PHTF2: variants seen among roughly 807,000 people sequenced by gnomAD.
PHTF2 encodes the protein putative homeodomain transcription factor 2.
PHTF2 carries 60 observed loss-of-function variants against 101.2 expected under a neutral mutation model. The observed-to-expected ratio is 0.59, with a 90% CI of 0.48 to 0.73. The LOEUF is 0.73. PHTF2 is among the 30% of genes least tolerant of loss of function. The pLI is 0.00. For synonymous variants in PHTF2, 311 were observed against 307.3 expected (o/e 1.01, Z -0.13); for missense variants, 747 against 908.7 (o/e 0.82, Z 2.29).
intron 9 of PHTF2, among the ~76,000 whole-genome samples, chr7:77,917,811 TA>T (rs1205966836): frequency 6.6e-6 from 1 of 152,224 alleles, no homozygotes; most frequent in East Asian, 1.9e-4. Context: ...CCTTTGTTTG[TA>T]AACTCTGAGA....
chr7:77,861,147 A>G lies in PHTF2; in HGVS notation c.147+6313A>G, dbSNP rs184145250. Reference sequence around the variant, plus strand: ...CCCTTATTCTTTAATTTCTTTTTTTATTTTTATTTATTTATTTTTATTGTT... The same window carrying G: ...CCCTTATTCTTTAATTTCTTTTTTTGTTTTTATTTATTTATTTTTATTGTT... On this transcript the variant is annotated intron_variant, in intron 3 of 19. Transcript: ENST00000416283. Among the ~76,000 whole-genome samples the G allele has an allele frequency of 2.3e-3, 354 of 151,656 alleles. 2 individuals carry two copies. Among genetic ancestry groups the G allele is most frequent in the African/African-American group, 8.1e-3 (335 of 41,408 alleles).
At chr7:77,925,884 C>T (rs926843680) in intron 11 of PHTF2, among the ~76,000 whole-genome samples, 9 of 151,852 alleles carry the variant, frequency 5.9e-5, no homozygotes, top group Non-Finnish European at 1.3e-4. Context: ...GGTGAAACCC[C>T]GTCTCTACGA....
rs1795308380 is a variant in PHTF2, at chr7:77,834,559, T to C, written c.-35-5662T>C. The stretch of plus-strand genomic sequence containing the variant: ...AAGTCCTATACTCACGTGTCTGTGC[T>C]TGCCTACCTCACATGGCTCAGACTG... On this transcript the variant is annotated intron_variant, in intron 1 of 19. Coordinates refer to ENST00000416283, the Ensembl canonical transcript of PHTF2. Among the ~76,000 whole-genome samples, 3 of 152,312 alleles carry C rather than the reference T, an allele frequency of 2.0e-5. No homozygotes were observed. The South Asian group carries it at 6.2e-4, about 32-fold the overall frequency.
intron 1 of PHTF2, among the ~76,000 whole-genome samples, chr7:77,833,610 T>TA (rs1328383936): frequency 2.0e-5 from 3 of 152,222 alleles, no homozygotes; most frequent in East Asian, 3.9e-4. Context: ...ACAAAAGATT[T>TA]AAAAAATAGC....
At chr7:77,940,400 A>G in intron 14 of PHTF2, 98 bp downstream of exon 13, 1 of 1,288,056 alleles carries the variant, frequency 7.8e-7, no homozygotes, top group Non-Finnish European at 1.1e-6. Context: ...TATCATTTTT[A>G]CCTAATTATT....
intron 5 of PHTF2, among the ~76,000 whole-genome samples, chr7:77,898,123 T>C (rs1482657913): frequency 2.6e-5 from 4 of 151,934 alleles, no homozygotes; most frequent in African/African-American, 9.7e-5. Flanking sequence ...GAATATAAAA[T>C]TGGAAATGAA....
chr7:77,804,486 C>T (rs1039817272), intron 1 of PHTF2, among the ~76,000 whole-genome samples: 6 of 152,062 alleles, frequency 3.9e-5, no homozygotes, highest in African/African-American at 7.2e-5. Flanking sequence ...TCACCGTGCC[C>T]GGCTAATTTT....
At chr7:77,948,973 A>C (rs1196392371) in intron 16 of PHTF2, among the ~76,000 whole-genome samples, 1 of 152,232 alleles carries the variant, frequency 6.6e-6, no homozygotes, top group Non-Finnish European at 1.5e-5. Flanking sequence ...AAGGAAACAC[A>C]TACAAGAATG....
At chr7:77,923,631 G>A (rs1252020303) in intron 11 of PHTF2, 7 of 984,608 alleles carry the variant, frequency 7.1e-6, no homozygotes, top group Non-Finnish European at 8.4e-6. Flanking sequence ...ATGCCAGTGT[G>A]TCTGCTCTAT....
chr7:77,952,996 A>G (rs1806687462), intron 18 of PHTF2, among the ~76,000 whole-genome samples: 1 of 151,878 alleles, frequency 6.6e-6, no homozygotes, highest in African/African-American at 2.4e-5. Context: ...TTCTGATCTC[A>G]TTGCTCCCTA....
intron 5 of PHTF2, among the ~76,000 whole-genome samples, chr7:77,900,341 C>G (rs1428499433): frequency 6.6e-6 from 1 of 152,160 alleles, no homozygotes; most frequent in Non-Finnish European, 1.5e-5. Flanking sequence ...GAGGTTCCTT[C>G]AGGGCTGCTG....
intron 2 of PHTF2, among the ~76,000 whole-genome samples, chr7:77,846,517 C>G (rs767201816): frequency 6.6e-6 from 1 of 151,552 alleles, no homozygotes; most frequent in African/African-American, 2.4e-5. Context: ...GGGTGAGGCA[C>G]TGTTGCCTGA....
chr7:77,919,308 A>T (rs186127017), intron 9 of PHTF2, among the ~76,000 whole-genome samples: 288 of 152,318 alleles, frequency 1.9e-3, no homozygotes, highest in African/African-American at 6.6e-3. Flanking sequence ...GTGCATTTTT[A>T]AAAAACTTTT....
chr7:77,852,905 C>G (rs1796884320), intron 2 of PHTF2, among the ~76,000 whole-genome samples: 1 of 152,138 alleles, frequency 6.6e-6, no homozygotes, highest in African/African-American at 2.4e-5. Context: ...TGTCATGCCA[C>G]TCTCTCCTGG....
At chr7:77,950,311 T>C (rs1394593087) in intron 17 of PHTF2, among the ~76,000 whole-genome samples, 1 of 152,194 alleles carries the variant, frequency 6.6e-6, no homozygotes, top group East Asian at 1.9e-4. Context: ...TCAATAAACC[T>C]GTCAAATGAG....
In PHTF2 at chr7:77,937,749, G is replaced by GA; in HGVS notation, c.1384dup (p.Ile462AsnfsTer9). On this transcript the variant is annotated frameshift_variant, in exon 13 of 20. Transcript: ENST00000416283. LOFTEE classifies it high-confidence loss of function. ...GCTCCATAGTTCCCACCCAGGATTA[G>GA]AAAAAATAAGTGCTATAGTATGGGA... is the stretch of plus-strand genomic sequence containing the variant. 1 of 1,486,230 alleles carries GA rather than the reference G, an allele frequency of 6.7e-7. No individual in the cohort carries two copies. The highest frequency in any genetic ancestry group is 9.1e-7 in the Non-Finnish European group (1 of 1,097,392). The allele number at this position is 1,486,230 out of a possible 1,614,324, so 92.1% of individuals were successfully genotyped here.
intron 5 of PHTF2, 139 bp downstream of exon 4, chr7:77,894,132 A>C: frequency 1.3e-6 from 1 of 751,590 alleles, no homozygotes; most frequent in Admixed American, 2.0e-5. Context: ...ATTTTAAAAA[A>C]GAAGTTAGGA....
At chr7:77,911,983 C>T (rs555189406) in intron 9 of PHTF2, among the ~76,000 whole-genome samples, 16 of 152,250 alleles carry the variant, frequency 1.1e-4, no homozygotes, top group South Asian at 6.2e-4. Context: ...TTATAAATAG[C>T]GTAATGGATA....
chr7:77,841,096 G>C (rs377475629), intron 2 of PHTF2, among the ~76,000 whole-genome samples: 2 of 10,488 alleles, frequency 1.9e-4, no homozygotes, highest in South Asian at 4.6e-3. Flanking sequence ...TTTTTTTTTT[G>C]AGATGGAATC....
Sources: gnomAD v4.1 joint callset for allele counts (sites outside exome capture counted in the v4.1 genomes callset) on GRCh38, gnomAD v4.1.1 for gene constraint, MANE v1.5 for transcripts, NCBI Gene and HGNC (gene_info 2026-07-23, HGNC 2026-07-21) for gene names.